NCKAP5: variants seen among roughly 807,000 people sequenced by gnomAD.
NCKAP5 encodes nck-associated protein 5.
A neutral mutation model predicts 167.0 loss-of-function variants in NCKAP5; 92 were observed. That is an observed-to-expected ratio of 0.55 (90% confidence interval 0.47 to 0.66). The LOEUF (loss-of-function observed/expected upper bound fraction) is 0.66, where lower values mean the gene tolerates loss of function less well. Among genes scored for constraint, NCKAP5 ranks in the 30% least tolerant of loss-of-function variants. The pLI is 0.00. For missense variants in NCKAP5, 2,378 were observed against 2,315.0 expected (o/e 1.03, Z -0.56); for synonymous variants, 891 against 877.4 (o/e 1.02, Z -0.27).
intron 15 of NCKAP5, among the ~76,000 whole-genome samples, chr2:132,776,360 A>G (rs1363455787): frequency 6.6e-6 from 1 of 151,996 alleles, no homozygotes; most frequent in African/African-American, 2.4e-5. Context: ...TAATTATCAT[A>G]TTTAAGAAAG....
At chr2:133,228,400 T>C (rs963585237) in intron 4 of NCKAP5, among the ~76,000 whole-genome samples, 2 of 152,236 alleles carry the variant, frequency 1.3e-5, no homozygotes, top group African/African-American at 4.8e-5. Flanking sequence ...ATTTGAGGTA[T>C]GCCATTAAAT....
chr2:133,577,795 C>T, the NCKAP5 span, among the ~76,000 whole-genome samples: 2 of 152,126 alleles, frequency 1.3e-5, no homozygotes, highest in Non-Finnish European at 2.9e-5. Flanking sequence ...TGAAGTACTG[C>T]AGGAACCATC....
Position 132,783,139 on chromosome 2 carries a change from G to T in NCKAP5, c.3672C>A (p.Pro1224=). 1 of 1,613,536 alleles carries T rather than the reference G, an allele frequency of 6.2e-7. No homozygotes were observed. The highest frequency in any genetic ancestry group is 8.5e-7 in the Non-Finnish European group (1 of 1,179,734). ...QAQGSLADGL[P]LETALQEPLE... ...ATGGCTCTTGTAGTGCTGTTTCCAG[G>T]GGAAGCCCATCAGCTAAACTGCCCT... The change falls in exon 14 of 20, where the codon CCC becomes CCA. Residue 1224 remains proline (P), a synonymous_variant. Transcript: ENST00000409261.
intron 3 of NCKAP5, among the ~76,000 whole-genome samples, chr2:133,411,375 A>C (rs1296329129): frequency 1.3e-5 from 2 of 152,154 alleles, no homozygotes; most frequent in Non-Finnish European, 2.9e-5. Flanking sequence ...GCTTCCAGCT[A>C]ATGACTGGAG....
At chr2:132,953,648 C>G in intron 8 of NCKAP5, among the ~76,000 whole-genome samples, 1 of 149,826 alleles carries the variant, frequency 6.7e-6, no homozygotes, top group East Asian at 2.0e-4. Flanking sequence ...GACAGACAGG[C>G]AGACAGAGAG....
the NCKAP5 span, among the ~76,000 whole-genome samples, chr2:133,656,085 A>G: frequency 6.6e-6 from 1 of 152,216 alleles, no homozygotes; most frequent in Non-Finnish European, 1.5e-5. Flanking sequence ...GTTCAAACAC[A>G]CAACATACAC....
chr2:133,011,389 G>A (rs970033059), intron 6 of NCKAP5, among the ~76,000 whole-genome samples: 8 of 152,176 alleles, frequency 5.3e-5, no homozygotes, highest in African/African-American at 2.4e-5. Flanking sequence ...AAAGGACTGC[G>A]CTGAAAGAAG....
intron 5 of NCKAP5, among the ~76,000 whole-genome samples, chr2:133,181,326 C>T (rs998373622): frequency 5.9e-5 from 9 of 151,374 alleles, no homozygotes; most frequent in African/African-American, 1.7e-4. Context: ...CTACATAAAC[C>T]GATACACTAA....
chr2:133,212,910 C>G (rs978372007), intron 5 of NCKAP5, among the ~76,000 whole-genome samples: 1 of 152,194 alleles, frequency 6.6e-6, no homozygotes, highest in African/African-American at 2.4e-5. Flanking sequence ...TGTCAATTAA[C>G]TCTCATGAAA....
chr2:133,617,409 G>A, the NCKAP5 span, among the ~76,000 whole-genome samples: 1 of 148,656 alleles, frequency 6.7e-6, no homozygotes, highest in Non-Finnish European at 1.5e-5. Context: ...AAACCCCATT[G>A]TCTCAGCCCA....
At chr2:133,345,392 T>C (rs370607623) in intron 3 of NCKAP5, among the ~76,000 whole-genome samples, 3 of 152,216 alleles carry the variant, frequency 2.0e-5, no homozygotes, top group East Asian at 3.8e-4. Context: ...TTAAAATCCA[T>C]GTTAATACTT....
chr2:132,728,522 G>T (rs1690682027), intron 18 of NCKAP5, among the ~76,000 whole-genome samples: 1 of 152,190 alleles, frequency 6.6e-6, no homozygotes, highest in Non-Finnish European at 1.5e-5. Flanking sequence ...CACATGGCTT[G>T]GGAGAGTGAA....
At chr2:133,004,023 G>A (rs1484670543) in intron 6 of NCKAP5, among the ~76,000 whole-genome samples, 1 of 152,152 alleles carries the variant, frequency 6.6e-6, no homozygotes, top group East Asian at 1.9e-4. Flanking sequence ...TCCCCTGAAT[G>A]TTAGCAAACA....
intron 11 of NCKAP5, among the ~76,000 whole-genome samples, chr2:132,843,184 G>A (rs1459536960): frequency 6.6e-6 from 1 of 152,136 alleles, no homozygotes; most frequent in South Asian, 2.1e-4. Flanking sequence ...TTGAAGCAAA[G>A]CAGTGGTTTG....
intron 4 of NCKAP5, among the ~76,000 whole-genome samples, chr2:133,276,591 A>T (rs2150439746): frequency 6.6e-6 from 1 of 152,114 alleles, no homozygotes; most frequent in East Asian, 1.9e-4. Flanking sequence ...CCACAAAAAC[A>T]TCTCTAGGCC....
intron 8 of NCKAP5, chr2:132,929,976 G>A (rs1696237043): frequency 6.6e-6 from 1 of 152,112 alleles, no homozygotes; most frequent in Non-Finnish European, 1.5e-5. Context: ...CTAATCTGCT[G>A]GTTTTTAAAC....
At chr2:133,305,314 T>C (rs1406012880) in intron 3 of NCKAP5, among the ~76,000 whole-genome samples, 2 of 152,304 alleles carry the variant, frequency 1.3e-5, no homozygotes, top group South Asian at 4.1e-4. Flanking sequence ...TTACTAGCTA[T>C]GTTCCCCTGG....
At chr2:133,004,688 T>A (rs1374800341) in intron 6 of NCKAP5, among the ~76,000 whole-genome samples, 1 of 152,202 alleles carries the variant, frequency 6.6e-6, no homozygotes, top group Non-Finnish European at 1.5e-5. Context: ...TTGTCATTGA[T>A]AAACCTCTTA....
chr2:132,822,459 C>T (rs113762921), intron 11 of NCKAP5, among the ~76,000 whole-genome samples: 3,166 of 152,286 alleles, frequency 0.021, 109 homozygotes, highest in African/African-American at 0.073. Flanking sequence ...AGAGCAACAA[C>T]AGTCACTGCA....
Sources: gnomAD v4.1 joint callset for allele counts (sites outside exome capture counted in the v4.1 genomes callset) on GRCh38, gnomAD v4.1.1 for gene constraint, MANE v1.5 for transcripts, NCBI Gene and HGNC (gene_info 2026-07-23, HGNC 2026-07-21) for gene names.